The following KCNN2 variants were observed in gnomAD, a reference collection of about 807,000 sequenced individuals.
The protein encoded by KCNN2 is small conductance calcium-activated potassium channel protein 2.
KCNN2 carries 24 observed loss-of-function variants against 55.5 expected under a neutral mutation model. The ratio of observed to expected loss-of-function variants is 0.43; its 90% CI spans 0.31 to 0.61. The LOEUF (loss-of-function observed/expected upper bound fraction) is 0.61, where lower values mean the gene tolerates loss of function less well. Among genes scored for constraint, KCNN2 ranks in the 20% least tolerant of loss-of-function variants. The pLI, the probability that KCNN2 is intolerant of heterozygous loss-of-function variation, is 0.08. For synonymous variants in KCNN2, 431 were observed against 336.1 expected (o/e 1.28, Z -3.09); for missense variants, 754 against 853.6 (o/e 0.88, Z 1.45).
chr5:114,156,064 G>A (rs1025131684), intron 1 of KCNN2, among the ~76,000 whole-genome samples: 4 of 152,140 alleles, frequency 2.6e-5, no homozygotes, highest in African/African-American at 9.7e-5. Flanking sequence ...TGTATATGAT[G>A]TAAGGAAGGG....
intron 1 of KCNN2, among the ~76,000 whole-genome samples, chr5:114,193,831 G>A (rs949644242): frequency 5.9e-5 from 9 of 152,216 alleles, no homozygotes; most frequent in Non-Finnish European, 8.8e-5. Flanking sequence ...AGTGCAGCAT[G>A]TAAGTGTGTG....
chr5:114,220,249 G>A (rs1442070313), intron 1 of KCNN2, among the ~76,000 whole-genome samples: 1 of 151,972 alleles, frequency 6.6e-6, no homozygotes, highest in Non-Finnish European at 1.5e-5. Flanking sequence ...AATTAAAATG[G>A]TATTGCCAAT....
chr5:114,295,606 C>A (rs2150020025), intron 2 of KCNN2, among the ~76,000 whole-genome samples: 1 of 152,240 alleles, frequency 6.6e-6, no homozygotes, highest in Non-Finnish European at 1.5e-5. Flanking sequence ...ATCTGTCACC[C>A]CTTTCTTTGA....
chr5:114,163,372 C>G (rs1580577206), intron 1 of KCNN2, among the ~76,000 whole-genome samples: 1 of 152,232 alleles, frequency 6.6e-6, no homozygotes, highest in East Asian at 1.9e-4. Flanking sequence ...GCAATTTTCA[C>G]TGGGAGAATG....
intron 2 of KCNN2, among the ~76,000 whole-genome samples, chr5:114,263,867 G>A (rs1422842313): frequency 6.6e-6 from 1 of 152,122 alleles, no homozygotes; most frequent in Non-Finnish European, 1.5e-5. Flanking sequence ...AGAGGCTATT[G>A]TCCAAATAGT....
intron 2 of KCNN2, among the ~76,000 whole-genome samples, chr5:114,293,885 A>T (rs1010981552): frequency 2.0e-5 from 3 of 152,048 alleles, no homozygotes; most frequent in Non-Finnish European, 4.4e-5. Flanking sequence ...TTATTGGTCT[A>T]TTCAGAGATT....
At chr5:114,329,187 G>T (rs752511703) in intron 2 of KCNN2, among the ~76,000 whole-genome samples, 5 of 152,170 alleles carry the variant, frequency 3.3e-5, no homozygotes, top group Admixed American at 2.0e-4. Context: ...ATCAGCTGAT[G>T]ATGCACAGCT....
chr5:114,162,041 G>T lies in KCNN2; in HGVS notation c.-270-59439G>T, dbSNP rs191324476. ...TCTGTCCAGCTTTGTTCCATTGCTG[G>T]TGAGGAGCTGCATTCCTTTGGAGGA... On this transcript the variant is annotated intron_variant, in intron 1 of 10. Transcript: ENST00000512097. Among the ~76,000 whole-genome samples the T allele has an allele frequency of 2.6e-3, 402 of 152,300 alleles. 3 individuals are homozygous for T. The highest frequency in any genetic ancestry group is 0.01 in the Middle Eastern group (3 of 294).
At chr5:114,436,982 C>G (rs1026301266) in intron 3 of KCNN2, among the ~76,000 whole-genome samples, 12 of 151,982 alleles carry the variant, frequency 7.9e-5, no homozygotes, top group Non-Finnish European at 1.8e-4. Flanking sequence ...TATTGGACAG[C>G]ACAGATTTAG....
At chr5:114,475,724 T>C (rs1274107957) in intron 5 of KCNN2, among the ~76,000 whole-genome samples, 2 of 152,084 alleles carry the variant, frequency 1.3e-5, no homozygotes, top group Non-Finnish European at 2.9e-5. Context: ...CTTGTGCTCA[T>C]GGGTCCCCTA....
intron 3 of KCNN2, among the ~76,000 whole-genome samples, chr5:114,437,600 C>T (rs1760053685): frequency 6.6e-6 from 1 of 152,146 alleles, no homozygotes; most frequent in Non-Finnish European, 1.5e-5. Flanking sequence ...GTTATATTGA[C>T]AGGTTTGGGG....
In KCNN2 at chr5:114,121,231, T is replaced by C. The variant is rs182669741; in HGVS notation, c.-271+64731T>C. ...TGCACCTATGGTATCATCCCAGGGTTCCATGGCTGGACTCAAATGCCAGGA... is the reference window on the plus strand; with the variant it reads ...TGCACCTATGGTATCATCCCAGGGTCCCATGGCTGGACTCAAATGCCAGGA... On this transcript the variant is annotated intron_variant, in intron 1 of 10. Transcript: ENST00000512097. Among the ~76,000 whole-genome samples the C allele has an allele frequency of 2.1e-3, 322 of 152,334 alleles. 1 individual carries two copies. The highest frequency in any genetic ancestry group is 7.2e-3 in the African/African-American group (298 of 41,580).
At chr5:114,141,574 T>C (rs577967141) in intron 1 of KCNN2, among the ~76,000 whole-genome samples, 10 of 152,346 alleles carry the variant, frequency 6.6e-5, no homozygotes, top group Admixed American at 2.6e-4. Flanking sequence ...CTATTGTGAA[T>C]AGTGCTGCAG....
At chr5:114,452,939 A>C (rs535630252) in intron 3 of KCNN2, among the ~76,000 whole-genome samples, 36 of 152,306 alleles carry the variant, frequency 2.4e-4, no homozygotes, top group Admixed American at 1.1e-3. Context: ...CTTTACTTCA[A>C]ATGAAAACTA....
At chr5:114,417,836 C>G (rs1269483687) in intron 3 of KCNN2, among the ~76,000 whole-genome samples, 3 of 152,250 alleles carry the variant, frequency 2.0e-5, no homozygotes, top group East Asian at 3.9e-4. Flanking sequence ...AAAGCCTTAT[C>G]TGAATCAAGC....
chr5:114,359,005 G>T (rs1230824357), upstream of KCNN2, among the ~76,000 whole-genome samples: 1 of 152,116 alleles, frequency 6.6e-6, no homozygotes, highest in Admixed American at 6.6e-5. Context: ...AAATTATCTT[G>T]TGTTTTTTCA....
At chr5:114,185,431 A>T (rs1447631880) in intron 1 of KCNN2, among the ~76,000 whole-genome samples, 1 of 152,240 alleles carries the variant, frequency 6.6e-6, no homozygotes, top group Non-Finnish European at 1.5e-5. Context: ...CTGCCCACTG[A>T]GGCGGAGCCT....
intron 2 of KCNN2, among the ~76,000 whole-genome samples, chr5:114,402,902 C>A (rs184086185): frequency 1.3e-4 from 19 of 151,920 alleles, no homozygotes; most frequent in African/African-American, 4.6e-4. Flanking sequence ...AGGAGTGAGA[C>A]TCAATAGAGA....
intron 1 of KCNN2, among the ~76,000 whole-genome samples, chr5:114,157,364 C>A (rs1752658305): frequency 6.6e-6 from 1 of 151,966 alleles, no homozygotes; most frequent in South Asian, 2.1e-4. Flanking sequence ...CCTAGTATTC[C>A]CTGGTGTATA....
Sources: gnomAD v4.1 joint callset for allele counts (sites outside exome capture counted in the v4.1 genomes callset) on GRCh38, gnomAD v4.1.1 for gene constraint, MANE v1.5 for transcripts, NCBI Gene and HGNC (gene_info 2026-07-23, HGNC 2026-07-21) for gene names.